SNCAIP: variants seen among roughly 807,000 people sequenced by gnomAD.
SNCAIP encodes synuclein alpha interacting protein.
A neutral mutation model predicts 86.7 loss-of-function variants in SNCAIP; 43 were observed. The ratio of observed to expected loss-of-function variants is 0.50; its 90% CI spans 0.39 to 0.64. SNCAIP has a LOEUF of 0.64. SNCAIP is among the 30% of genes least tolerant of loss of function. The pLI is 0.00. For missense variants in SNCAIP, 981 were observed against 1,103.1 expected (o/e 0.89, Z 1.57); for synonymous variants, 417 against 427.2 (o/e 0.98, Z 0.29).
chr5:122,421,359 C>T (rs1269786436), intron 3 of SNCAIP, among the ~76,000 whole-genome samples: 1 of 152,210 alleles, frequency 6.6e-6, no homozygotes, highest in East Asian at 1.9e-4. Flanking sequence ...TCAGAGCACT[C>T]ACTCTCATCC....
At chr5:122,320,742 A>C (rs1752748044) in intron 1 of SNCAIP, among the ~76,000 whole-genome samples, 1 of 152,180 alleles carries the variant, frequency 6.6e-6, no homozygotes, top group African/African-American at 2.4e-5. Flanking sequence ...ACAGTGACCA[A>C]ATGACTTAAC....
intron 1 of SNCAIP, among the ~76,000 whole-genome samples, chr5:122,315,642 C>G (rs1252019468): frequency 6.6e-6 from 1 of 152,004 alleles, no homozygotes; most frequent in African/African-American, 2.4e-5. Context: ...TAGCAATAGC[C>G]CAGGATTTAG....
chr5:122,341,135 A>G (rs765296475), intron 1 of SNCAIP, among the ~76,000 whole-genome samples: 1 of 152,226 alleles, frequency 6.6e-6, no homozygotes, highest in African/African-American at 2.4e-5. Context: ...TTTCTACTTT[A>G]TGTCTTGGCT....
chr5:122,460,768 C>T (rs897295763), intron 10 of SNCAIP, among the ~76,000 whole-genome samples: 4 of 152,134 alleles, frequency 2.6e-5, no homozygotes, highest in Non-Finnish European at 5.9e-5. Flanking sequence ...ATTTACAATG[C>T]GTTTCTAAAC....
At chr5:122,429,845 A>T (rs1314637946) in intron 5 of SNCAIP, among the ~76,000 whole-genome samples, 1 of 152,164 alleles carries the variant, frequency 6.6e-6, no homozygotes, top group Non-Finnish European at 1.5e-5. Context: ...GAGTGGTTAT[A>T]AGAACTTGAG....
intron 4 of SNCAIP, among the ~76,000 whole-genome samples, chr5:122,424,756 A>G (rs1429010566): frequency 6.6e-6 from 1 of 152,104 alleles, no homozygotes; most frequent in Non-Finnish European, 1.5e-5. Context: ...TCACCCAACA[A>G]TCTCTATCAA....
chr5:122,360,757 G>C (rs1427787730), intron 1 of SNCAIP, among the ~76,000 whole-genome samples: 3 of 152,088 alleles, frequency 2.0e-5, no homozygotes, highest in African/African-American at 7.2e-5. Context: ...TGTAGAAGAG[G>C]AGAACTCTGG....
intron 1 of SNCAIP, among the ~76,000 whole-genome samples, chr5:122,339,060 G>A (rs1300253398): frequency 6.6e-6 from 1 of 152,182 alleles, no homozygotes; most frequent in East Asian, 1.9e-4. Context: ...TATACAGTGA[G>A]GAGTAGTGGA....
At chr5:122,452,750 C>T (rs1006285911) in intron 10 of SNCAIP, among the ~76,000 whole-genome samples, 1 of 152,176 alleles carries the variant, frequency 6.6e-6, no homozygotes, top group African/African-American at 2.4e-5. Flanking sequence ...TTACTGGGTT[C>T]TGCTGCTCAG....
intron 10 of SNCAIP, among the ~76,000 whole-genome samples, chr5:122,452,020 G>A (rs1783800412): frequency 6.6e-6 from 1 of 152,080 alleles, no homozygotes; most frequent in East Asian, 1.9e-4. Flanking sequence ...TTATTCTCAG[G>A]CCCAATTAAA....
intron 1 of SNCAIP, among the ~76,000 whole-genome samples, chr5:122,375,154 A>G (rs373269312): frequency 1.3e-5 from 2 of 152,312 alleles, no homozygotes; most frequent in South Asian, 4.1e-4. Flanking sequence ...CTAAATATAT[A>G]TTAAACTATA....
In SNCAIP at chr5:122,358,159, TTGTGTGTG is replaced by T. The variant is rs36222259; in HGVS notation, c.-46-32892_-46-32885del. Reference sequence around the variant, plus strand: ...ATCAAAGAAAGAAAAATTTGTTTCTTTGTGTGTGTGTGTGTGTGTGTGTGTGTGTGTGT... The same window carrying T: ...ATCAAAGAAAGAAAAATTTGTTTCTTTGTGTGTGTGTGTGTGTGTGTGTGT... On this transcript the variant is annotated intron_variant, in intron 1 of 10. Transcript: ENST00000261368. Among the ~76,000 whole-genome samples the T allele has an allele frequency of 2.8e-3, 391 of 138,084 alleles. 3 individuals are homozygous for T. Among genetic ancestry groups the T allele is most frequent in the African/African-American group, 9.0e-3 (339 of 37,480 alleles). The allele number at this position is 138,084 out of a possible 152,430, so 90.6% of individuals were successfully genotyped here. A position where few individuals can be genotyped will look rare whatever the true frequency, so the allele number is the denominator to read the frequency against.
chr5:122,423,427 G>A lies in SNCAIP; in HGVS notation c.690G>A (p.Lys230=), dbSNP rs1335925195. 1.2e-6 allele frequency: 2 copies of A among 1,612,908 alleles called. No individual in the cohort carries two copies. The highest frequency in any genetic ancestry group is 2.7e-5 in the African/African-American group (2 of 74,480). ...KASAVIHDQH[K]LSTEETEISP... ...CAGCTGTCATCCACGACCAGCACAA[G>A]CTGTCCACTGAAGAAACCGAGATCT... Residue 230 remains lysine, a synonymous_variant, in exon 4 of 11, where the codon AAG becomes AAA. Coordinates refer to ENST00000261368, the MANE Select transcript of SNCAIP (RefSeq NM_005460.4).
intron 1 of SNCAIP, among the ~76,000 whole-genome samples, chr5:122,342,232 C>T (rs80064778): frequency 0.027 from 4,053 of 152,124 alleles, 76 homozygotes; most frequent in Non-Finnish European, 0.035. Context: ...TCTTGTCACC[C>T]GAGTACTTAG....
intron 4 of SNCAIP, 143 bp downstream of exon 4, chr5:122,423,882 C>T: frequency 4.3e-6 from 3 of 693,994 alleles, no homozygotes; most frequent in Non-Finnish European, 7.1e-6. Context: ...GGAGATGTGA[C>T]CTTTTGAGTT....
chr5:122,343,005 A>G (rs1757898875), intron 1 of SNCAIP, among the ~76,000 whole-genome samples: 1 of 152,206 alleles, frequency 6.6e-6, no homozygotes, highest in Non-Finnish European at 1.5e-5. Flanking sequence ...CCTCTTAAAT[A>G]AGTGATTACA....
intron 2 of SNCAIP, among the ~76,000 whole-genome samples, chr5:122,395,038 C>G (rs372659537): frequency 4.6e-5 from 7 of 152,274 alleles, no homozygotes; most frequent in African/African-American, 1.7e-4. Flanking sequence ...AGTAGTTTCT[C>G]TAGACCAGTC....
intron 6 of SNCAIP, among the ~76,000 whole-genome samples, chr5:122,433,438 T>A (rs2152950102): frequency 6.6e-6 from 1 of 152,268 alleles, no homozygotes; most frequent in African/African-American, 2.4e-5. Context: ...TGTCCCCATT[T>A]GTATAGAAAA....
At chr5:122,414,452 A>C (rs1364029723) in intron 3 of SNCAIP, among the ~76,000 whole-genome samples, 2 of 152,036 alleles carry the variant, frequency 1.3e-5, no homozygotes, top group Non-Finnish European at 2.9e-5. Context: ...GCTGGTCATG[A>C]ACTCCTGACC....
Sources: allele counts gnomAD v4.1 joint callset (sites outside exome capture counted in the v4.1 genomes callset), GRCh38; gene constraint gnomAD v4.1.1; transcripts MANE v1.5; gene names NCBI Gene and HGNC (gene_info 2026-07-23, HGNC 2026-07-21).